AGMO: variants seen among roughly 807,000 people sequenced by gnomAD.
The protein encoded by AGMO is glyceryl-ether monooxygenase.
A neutral mutation model predicts 60.2 loss-of-function variants in AGMO; 75 were observed. That is an observed-to-expected ratio of 1.25 (90% CI 1.03 to 1.51). The LOEUF (loss-of-function observed/expected upper bound fraction) is 1.51, where lower values mean the gene tolerates loss of function less well. Among genes scored for constraint, AGMO ranks in the 40% most tolerant of loss-of-function variants. The pLI is 0.00. For synonymous variants in AGMO, 261 were observed against 177.1 expected (o/e 1.47, Z -3.76); for missense variants, 763 against 525.5 (o/e 1.45, Z -4.42).
At chr7:15,222,131 G>C (rs1390526020) in intron 12 of AGMO, among the ~76,000 whole-genome samples, 2 of 152,026 alleles carry the variant, frequency 1.3e-5, no homozygotes, top group African/African-American at 4.8e-5. Context: ...AGTCCAACTT[G>C]CTACTTTTTA....
At chr7:15,118,167 A>AAACACAC in the AGMO span, among the ~76,000 whole-genome samples, 2 of 58,588 alleles carry the variant, frequency 3.4e-5, no homozygotes, top group African/African-American at 5.6e-5. Flanking sequence ...AAAACCACTA[A>AAACACAC]AGAGAAACAC....
At position 15,264,641 on chromosome 7, in the gene AGMO, A is replaced by G. The variant is rs76766674; in HGVS notation, c.1264-63282T>C. 6.3e-4 allele frequency among the ~76,000 whole-genome samples: 96 copies of G among 152,272 alleles called. 2 individuals carry two copies. The East Asian group carries it at 0.012, about 19-fold the overall frequency. ...CAAAGGACATCAAGAGATATGTCTC[A>G]AAAGAAGGCATACAAGCATTCAACA... On this transcript the variant is annotated intron_variant, in intron 12 of 12. Transcript: ENST00000342526.
rs868262918 is a variant in AGMO, at chr7:15,530,969, A to G, written c.409+13803T>C. ...TTTTGAATACATATATATTCTATAT[A>G]TATTCTATATGTATATTCTATATAT... On this transcript the variant is annotated intron_variant, in intron 3 of 12. Coordinates refer to ENST00000342526, the MANE Select transcript of AGMO (RefSeq NM_001004320.2). 2.1e-3 allele frequency among the ~76,000 whole-genome samples: 255 copies of G among 122,130 alleles called. 2 individuals are homozygous for G. The highest frequency in any genetic ancestry group is 0.016 in the Middle Eastern group (3 of 184). 80.1% of individuals were successfully genotyped at this position (122,130 alleles called of 152,430 possible). A position where few individuals can be genotyped will look rare whatever the true frequency, so the allele number is the denominator to read the frequency against.
chr7:15,292,923 A>G (rs1036892670), intron 12 of AGMO, among the ~76,000 whole-genome samples: 1 of 149,076 alleles, frequency 6.7e-6, no homozygotes, highest in African/African-American at 2.4e-5. Flanking sequence ...AAATCCAGCT[A>G]ATTTTTTTTT....
intron 12 of AGMO, among the ~76,000 whole-genome samples, chr7:15,251,376 A>G (rs552555681): frequency 1.7e-4 from 26 of 152,338 alleles, no homozygotes; most frequent in Non-Finnish European, 3.1e-4. Context: ...AAGATAACTT[A>G]ATGCAGAACA....
At chr7:15,258,438 G>A (rs1411089626) in intron 12 of AGMO, among the ~76,000 whole-genome samples, 2 of 151,798 alleles carry the variant, frequency 1.3e-5, no homozygotes, top group East Asian at 1.9e-4. Context: ...CCAGCTACTC[G>A]GGAGGCTGAG....
chr7:15,471,736 A>T (rs1476342291), intron 3 of AGMO, among the ~76,000 whole-genome samples: 1 of 151,950 alleles, frequency 6.6e-6, no homozygotes, highest in African/African-American at 2.4e-5. Context: ...AGATGACCAG[A>T]TAATGTTTCA....
the AGMO span, among the ~76,000 whole-genome samples, chr7:15,155,419 C>CTTTTTTTTTTTTTTTTTTT: frequency 3.3e-4 from 21 of 63,926 alleles, 1 homozygote; most frequent in Non-Finnish European, 4.1e-4. Flanking sequence ...TACAGAATTT[C>CTTTTTTTTTTTTTTTTTTT]TTTTTTTTTT....
At chr7:15,546,696 G>A (rs1784791003) in intron 2 of AGMO, among the ~76,000 whole-genome samples, 1 of 152,252 alleles carries the variant, frequency 6.6e-6, no homozygotes, top group South Asian at 2.1e-4. Context: ...CCAAAGTGTT[G>A]TGGAAACTCC....
chr7:15,248,871 T>C (rs1259035583), intron 12 of AGMO, among the ~76,000 whole-genome samples: 1 of 152,190 alleles, frequency 6.6e-6, no homozygotes, highest in Non-Finnish European at 1.5e-5. Flanking sequence ...ACAACGCCAA[T>C]CACTGCAATG....
the AGMO span, among the ~76,000 whole-genome samples, chr7:15,140,158 G>A: frequency 1.3e-5 from 2 of 151,808 alleles, no homozygotes; most frequent in Non-Finnish European, 2.9e-5. Flanking sequence ...AGGCTTTTGA[G>A]ACTGAGCTCC....
chr7:15,468,605 T>A (rs1490410583), intron 3 of AGMO, among the ~76,000 whole-genome samples: 2 of 152,086 alleles, frequency 1.3e-5, no homozygotes, highest in Admixed American at 6.6e-5. Context: ...AGAACGTGCC[T>A]TAGAGATATA....
intron 12 of AGMO, among the ~76,000 whole-genome samples, chr7:15,223,526 A>G (rs531013871): frequency 1.3e-5 from 2 of 152,156 alleles, no homozygotes; most frequent in Admixed American, 6.6e-5. Flanking sequence ...AAGAACAGAC[A>G]CATTTATAGA....
At chr7:15,337,832 T>C (rs1011972936) in intron 12 of AGMO, among the ~76,000 whole-genome samples, 4 of 152,188 alleles carry the variant, frequency 2.6e-5, no homozygotes, top group African/African-American at 9.7e-5. Flanking sequence ...GGGGCAGATA[T>C]ATTAGGCACC....
intron 3 of AGMO, among the ~76,000 whole-genome samples, chr7:15,432,361 T>TAC (rs1554271578): frequency 0.022 from 2,662 of 120,732 alleles, 49 homozygotes; most frequent in Middle Eastern, 0.04. Flanking sequence ...CATATATATA[T>TAC]ACACACACAT....
intron 3 of AGMO, among the ~76,000 whole-genome samples, chr7:15,476,256 C>G (rs909833448): frequency 1.2e-4 from 19 of 152,070 alleles, no homozygotes; most frequent in Non-Finnish European, 2.6e-4. Context: ...TAACAGTTTT[C>G]CAAAACAGTA....
intron 12 of AGMO, among the ~76,000 whole-genome samples, chr7:15,224,642 T>C (rs553729160): frequency 6.6e-4 from 100 of 152,162 alleles, no homozygotes; most frequent in Non-Finnish European, 1.1e-3. Context: ...GAATGTCTTA[T>C]ACCCCTCCCT....
At chr7:15,472,638 T>C (rs997499263) in intron 3 of AGMO, among the ~76,000 whole-genome samples, 5 of 151,962 alleles carry the variant, frequency 3.3e-5, no homozygotes, top group African/African-American at 1.2e-4. Context: ...TTAAAATTAT[T>C]TTGATTCAGA....
At chr7:15,331,454 G>A (rs567754103) in intron 12 of AGMO, among the ~76,000 whole-genome samples, 1 of 152,252 alleles carries the variant, frequency 6.6e-6, no homozygotes, top group Admixed American at 6.5e-5. Flanking sequence ...GTGTGTGTGA[G>A]CATGCATGAA....
Sources: gnomAD v4.1 joint callset for allele counts (sites outside exome capture counted in the v4.1 genomes callset) on GRCh38, gnomAD v4.1.1 for gene constraint, MANE v1.5 for transcripts, NCBI Gene and HGNC (gene_info 2026-07-23, HGNC 2026-07-21) for gene names.